The following KIF24 variants were observed in gnomAD, a reference collection of about 807,000 sequenced individuals.
KIF24 encodes kinesin-like protein KIF24.
A neutral mutation model predicts 118.9 loss-of-function variants in KIF24; 81 were observed. That is an observed-to-expected ratio of 0.68 (90% CI 0.57 to 0.82). The LOEUF is 0.82. Among genes scored for constraint, KIF24 ranks in the 40% least tolerant of loss-of-function variants. The probability of loss-of-function intolerance (pLI) is 0.00; values close to 1 mark genes in which losing one functional copy is unlikely to be tolerated. For missense variants in KIF24, 1,560 were observed against 1,661.6 expected (o/e 0.94, Z 1.06); for synonymous variants, 599 against 610.0 (o/e 0.98, Z 0.27).
intron 1 of KIF24, among the ~76,000 whole-genome samples, chr9:34,323,399 T>C (rs560690077): frequency 6.6e-6 from 1 of 152,292 alleles, no homozygotes; most frequent in Non-Finnish European, 1.5e-5. Context: ...AAAATAAACA[T>C]AACAAAATTT....
chr9:34,308,128 C>T (rs1016769484), intron 2 of KIF24, among the ~76,000 whole-genome samples: 14 of 152,086 alleles, frequency 9.2e-5, no homozygotes, highest in Non-Finnish European at 1.5e-5. Context: ...ACCATCATGT[C>T]TGGCTAATTT....
intron 8 of KIF24, among the ~76,000 whole-genome samples, chr9:34,264,219 C>T (rs1233343598): frequency 3.3e-5 from 5 of 150,692 alleles, no homozygotes; most frequent in Non-Finnish European, 7.4e-5. Flanking sequence ...CTCAGGAGAT[C>T]GAGACCAGCT....
intron 3 of KIF24, among the ~76,000 whole-genome samples, chr9:34,299,374 G>T (rs1339959889): frequency 6.6e-6 from 1 of 151,646 alleles, no homozygotes; most frequent in Non-Finnish European, 1.5e-5. Flanking sequence ...AAAGACGGGG[G>T]TCTCATCATG....
chr9:34,299,562 TA>T (rs757901908), intron 3 of KIF24, among the ~76,000 whole-genome samples: 46 of 149,066 alleles, frequency 3.1e-4, no homozygotes, highest in African/African-American at 8.6e-4. Flanking sequence ...ATAAAAAAAT[TA>T]AAAAAAAAAT....
chr9:34,285,762 G>C (rs1220039628), intron 6 of KIF24, among the ~76,000 whole-genome samples: 2 of 140,520 alleles, frequency 1.4e-5, no homozygotes, highest in East Asian at 4.2e-4. Context: ...GTGACAAAGT[G>C]AGACTCCATC....
At chr9:34,272,541 C>T (rs985165685) in intron 6 of KIF24, among the ~76,000 whole-genome samples, 1 of 152,208 alleles carries the variant, frequency 6.6e-6, no homozygotes, top group Non-Finnish European at 1.5e-5. Flanking sequence ...TGGCCTGCAG[C>T]CACTGAAAAC....
At position 34,319,464 on chromosome 9, in the gene KIF24, G is replaced by A. The variant is rs558036435; in HGVS notation, c.-25-8093C>T. 6.5e-4 allele frequency: 830 copies of A among 1,278,358 alleles called. 3 individuals carry two copies. The highest frequency in any genetic ancestry group is 1.3e-3 in the Admixed American group (75 of 57,066). 79.2% of individuals were successfully genotyped at this position (1,278,358 alleles called of 1,614,324 possible). On this transcript the variant is annotated intron_variant, in intron 1 of 12. Transcript: ENST00000402558. ...CCTGACCAGCGTGTTCCACGCCACC[G>A]CCTTTGAGTTGGACACAGACGGCAA...
chr9:34,311,468 A>C, intron 1 of KIF24, 97 bp from the exon 2 acceptor site: 3 of 552,020 alleles, frequency 5.4e-6, no homozygotes, highest in Non-Finnish European at 8.8e-6. Context: ...CAAAACAAAC[A>C]TGCAAAAAAT....
chr9:34,257,086 C>T lies in KIF24; in HGVS notation c.2521G>A (p.Ala841Thr). ...DSFSHISSQR[A>T]TKQRNTLENS... The stretch of plus-strand genomic sequence containing the variant: ...TCCAGGGTGTTCCTTTGCTTTGTGG[C>T]CCTCTGACTAGAGATGTGTGAAAAA... The change falls in exon 11 of 13, where the codon GCC (alanine) becomes ACC (threonine). Residue 841 changes from alanine to threonine, a missense_variant. By Grantham distance (58) the Ala-to-Thr change is moderately conservative. This residue lies in a region of KIF24 where 591 missense variants were observed against 655.6 expected (regional missense o/e 0.90). Coordinates refer to ENST00000402558, the MANE Select transcript of KIF24 (RefSeq NM_194313.4). The T allele has an allele frequency of 1.2e-6, 2 of 1,614,016 alleles. No homozygotes were observed.
chr9:34,331,096 C>A (rs1837918982), upstream of KIF24, among the ~76,000 whole-genome samples: 3 of 152,142 alleles, frequency 2.0e-5, no homozygotes, highest in South Asian at 6.2e-4. Flanking sequence ...GTAATTCTTA[C>A]TAATAAGGAA....
At chr9:34,266,690 A>AAAAAAGAAAG (rs1167199410) in intron 8 of KIF24, among the ~76,000 whole-genome samples, 22 of 150,286 alleles carry the variant, frequency 1.5e-4, no homozygotes, top group South Asian at 2.1e-4. Context: ...AAAAAAAAAA[A>AAAAAAGAAAG]AAAAAGAAAG....
intron 4 of KIF24, among the ~76,000 whole-genome samples, chr9:34,294,113 C>G (rs1185282431): frequency 6.6e-6 from 1 of 152,054 alleles, no homozygotes; most frequent in Non-Finnish European, 1.5e-5. Flanking sequence ...GCCACCAAAC[C>G]CAGCTAATTA....
chr9:34,273,008 T>C (rs2131710032), intron 6 of KIF24, among the ~76,000 whole-genome samples: 1 of 152,168 alleles, frequency 6.6e-6, no homozygotes, highest in South Asian at 2.1e-4. Context: ...TCAGAACTTA[T>C]GAGGCAGGAG....
rs570381912 is a variant in KIF24, at chr9:34,318,905, A to G, written c.-25-7534T>C. On this transcript the variant is annotated intron_variant, in intron 1 of 12. Transcript: ENST00000402558. This position sits in a 1 kb window ranked among gnomAD's most constrained non-coding sequence, Gnocchi z 4.9. ...CAAGATCAATTTCCATGACAAGCGC[A>G]GTGCGCTGCAGTCCATCCACGAGTG... 3.3e-5 allele frequency: 52 copies of G among 1,585,608 alleles called. No homozygotes were observed. In the African/African-American group the frequency reaches 3.8e-4, roughly 11 times the overall value.
chr9:34,318,533 G>C lies in KIF24; in HGVS notation c.-25-7162C>G. 1 of 1,009,876 alleles carries C rather than the reference G, an allele frequency of 9.9e-7. No individual in the cohort carries two copies. The highest frequency in any genetic ancestry group is 1.5e-6 in the Non-Finnish European group (1 of 655,550). 62.6% of individuals were successfully genotyped at this position (1,009,876 alleles called of 1,614,324 possible). On this transcript the variant is annotated intron_variant, in intron 1 of 12. Transcript: ENST00000402558. This position sits in a 1 kb window ranked among gnomAD's most constrained non-coding sequence, Gnocchi z 4.9. ...GCTGAGCCCCAAGGCAGCCACGCTG[G>C]CCGAACACAGCGCCGGCCTGGCCTT...
intron 7 of KIF24, among the ~76,000 whole-genome samples, chr9:34,271,141 T>C (rs552239422): frequency 6.6e-6 from 1 of 152,120 alleles, no homozygotes; most frequent in African/African-American, 2.4e-5. Flanking sequence ...TATCACAAGA[T>C]TCTGATCTGT....
At chr9:34,278,461 C>A (rs1000100338) in intron 6 of KIF24, among the ~76,000 whole-genome samples, 1 of 151,724 alleles carries the variant, frequency 6.6e-6, no homozygotes. Context: ...TTTGTGTAAA[C>A]TTCTAAAACT....
In KIF24 at chr9:34,311,207, T is replaced by C. The variant is rs1313787276; in HGVS notation, c.140A>G (p.Asp47Gly). The C allele has an allele frequency of 6.2e-7, 1 of 1,613,490 alleles. No homozygotes were observed. The highest frequency in any genetic ancestry group is 1.3e-5 in the African/African-American group (1 of 75,032). Residue 47 changes from aspartate (D) to glycine (G), a missense_variant, in exon 2 of 13, where the codon GAC (aspartate) becomes GGC (glycine). This residue lies in a region of KIF24 where 964 missense variants were observed against 988.0 expected (regional missense o/e 0.98). Transcript: ENST00000402558. ...MKDYSKLGVH[D>G]MNDRKRLFQL... ...GAAGAGACGTTTGCGGTCGTTCATGTCATGGACTCCTAATTTGGAGTAGTC... is the reference window on the plus strand; with the variant it reads ...GAAGAGACGTTTGCGGTCGTTCATGCCATGGACTCCTAATTTGGAGTAGTC...
intron 6 of KIF24, among the ~76,000 whole-genome samples, chr9:34,279,428 G>T (rs558576236): frequency 8.8e-4 from 134 of 152,342 alleles, no homozygotes; most frequent in African/African-American, 3.0e-3. Context: ...AGGAATGACT[G>T]TAAAAAATTG....
Sources: gnomAD v4.1 joint callset for allele counts (sites outside exome capture counted in the v4.1 genomes callset) on GRCh38, gnomAD v4.1.1 for gene constraint, gnomAD v4.1.1 regional missense constraint, Gnocchi (gnomAD v3.1) non-coding constraint, MANE v1.5 for transcripts, NCBI Gene and HGNC (gene_info 2026-07-23, HGNC 2026-07-21) for gene names.